The following ZNF385D variants were observed in gnomAD, a reference collection of about 807,000 sequenced individuals.
The protein encoded by ZNF385D is zinc finger protein 385D, also known as zinc finger protein 659.
Under a neutral mutation model 35.8 loss-of-function variants are expected in ZNF385D, and 15 were observed. That is an observed-to-expected ratio of 0.42 (90% confidence interval 0.28 to 0.64). ZNF385D has a LOEUF of 0.64. ZNF385D is among the 30% of genes least tolerant of loss of function. The pLI is 0.23. For synonymous variants in ZNF385D, 212 were observed against 186.8 expected, an observed-to-expected ratio of 1.13 and a Z score of -1.10; for missense variants, 474 against 494.6, an observed-to-expected ratio of 0.96 and a Z score of 0.39.
chr3:22,045,677 C>G (rs1472005317), intron 3 of ZNF385D, among the ~76,000 whole-genome samples: 8 of 152,050 alleles, frequency 5.3e-5, no homozygotes, highest in African/African-American at 1.9e-4. Flanking sequence ...AATTTTATGT[C>G]TAATATGCTG....
chr3:21,611,332 GT>G (rs147066025), intron 2 of ZNF385D, among the ~76,000 whole-genome samples: 4,135 of 152,232 alleles, frequency 0.027, 195 homozygotes, highest in African/African-American at 0.095. Flanking sequence ...GGAAGTTCAG[GT>G]TGCAGAGCTG....
chr3:21,835,799 G>C (rs1575746421), intron 3 of ZNF385D, among the ~76,000 whole-genome samples: 1 of 151,904 alleles, frequency 6.6e-6, no homozygotes, highest in Non-Finnish European at 1.5e-5. Context: ...TATTATTCTA[G>C]GCCTACCAAT....
At chr3:21,510,622 A>G (rs893927823) in intron 4 of ZNF385D, among the ~76,000 whole-genome samples, 1 of 152,206 alleles carries the variant, frequency 6.6e-6, no homozygotes, top group African/African-American at 2.4e-5. Flanking sequence ...TTTTATGACT[A>G]TTCCTCTGAA....
chr3:22,099,082 G>C (rs1343157965), intron 3 of ZNF385D, among the ~76,000 whole-genome samples: 1 of 152,046 alleles, frequency 6.6e-6, no homozygotes, highest in African/African-American at 2.4e-5. Flanking sequence ...TTCAAAGTTA[G>C]GGTACTACTT....
At chr3:22,209,622 ATTCAT>A (rs1398618830) in intron 2 of ZNF385D, among the ~76,000 whole-genome samples, 2 of 151,854 alleles carry the variant, frequency 1.3e-5, no homozygotes, top group Non-Finnish European at 2.9e-5. Context: ...TATCATATAT[ATTCAT>A]TTCATATGAA....
At chr3:22,183,869 T>C (rs1474807175) in intron 2 of ZNF385D, among the ~76,000 whole-genome samples, 3 of 152,090 alleles carry the variant, frequency 2.0e-5, no homozygotes, top group African/African-American at 7.2e-5. Flanking sequence ...CAACAAATTT[T>C]TTTTTGCATT....
intron 3 of ZNF385D, among the ~76,000 whole-genome samples, chr3:22,136,839 G>T (rs1216608014): frequency 6.6e-6 from 1 of 152,052 alleles, no homozygotes; most frequent in Non-Finnish European, 1.5e-5. Flanking sequence ...AATCTGAAAA[G>T]GCATACACTG....
chr3:22,124,452 G>T (rs76999706), intron 3 of ZNF385D, among the ~76,000 whole-genome samples: 1,767 of 150,612 alleles, frequency 0.012, 32 homozygotes, highest in African/African-American at 0.04. Flanking sequence ...CTTAGCAGTG[G>T]TATTGCTGGA....
At chr3:21,716,700 A>C (rs1341623284) in intron 1 of ZNF385D, among the ~76,000 whole-genome samples, 1 of 152,104 alleles carries the variant, frequency 6.6e-6, no homozygotes, top group Non-Finnish European at 1.5e-5. Flanking sequence ...ATGTATTTTC[A>C]TACAGCATAG....
At chr3:22,217,700 C>T (rs1697977983) in intron 2 of ZNF385D, among the ~76,000 whole-genome samples, 1 of 151,946 alleles carries the variant, frequency 6.6e-6, no homozygotes, top group Admixed American at 6.6e-5. Flanking sequence ...ATATAGAGAG[C>T]ATATTTTGGG....
intron 3 of ZNF385D, among the ~76,000 whole-genome samples, chr3:21,841,202 A>G (rs1695651273): frequency 6.6e-6 from 1 of 152,076 alleles, no homozygotes; most frequent in Non-Finnish European, 1.5e-5. Context: ...CCTACAGACC[A>G]GTGATAACAG....
chr3:21,762,750 G>A (rs999573456), intron 3 of ZNF385D, among the ~76,000 whole-genome samples: 1 of 152,120 alleles, frequency 6.6e-6, no homozygotes, highest in Admixed American at 6.6e-5. Flanking sequence ...GCTGTGGAGA[G>A]CTGCCTTGTC....
chr3:21,437,987 GA>G (rs1262099262), intron 4 of ZNF385D, among the ~76,000 whole-genome samples: 1 of 152,078 alleles, frequency 6.6e-6, no homozygotes, highest in African/African-American at 2.4e-5. Flanking sequence ...ATTGTTTTAA[GA>G]GTTAAATGAT....
chr3:22,225,562 T>C (rs1217756400), intron 2 of ZNF385D, among the ~76,000 whole-genome samples: 1 of 152,150 alleles, frequency 6.6e-6, no homozygotes, highest in Non-Finnish European at 1.5e-5. Flanking sequence ...GTATGTATTC[T>C]ACACTGGCTC....
chr3:21,498,673 G>A (rs1471529695), intron 4 of ZNF385D, among the ~76,000 whole-genome samples: 11 of 152,142 alleles, frequency 7.2e-5, no homozygotes, highest in African/African-American at 2.4e-4. Context: ...ACACTGGTCA[G>A]AATGGCTATT....
chr3:22,016,126 A>T (rs1317469295), intron 3 of ZNF385D, among the ~76,000 whole-genome samples: 1 of 152,190 alleles, frequency 6.6e-6, no homozygotes, highest in South Asian at 2.1e-4. Flanking sequence ...TTAGTCTATA[A>T]AACAGTTCTT....
At chr3:22,245,420 A>G (rs1174195673) in intron 2 of ZNF385D, among the ~76,000 whole-genome samples, 1 of 151,560 alleles carries the variant, frequency 6.6e-6, no homozygotes, top group African/African-American at 2.4e-5. Context: ...GTATTTCAAA[A>G]TATTTAGAGG....
At chr3:21,663,890 A>AAT (rs66691637) in intron 2 of ZNF385D, among the ~76,000 whole-genome samples, 2,681 of 64,374 alleles carry the variant, frequency 0.042, 247 homozygotes, top group South Asian at 0.095. Flanking sequence ...TTGTGGGCCG[A>AAT]ATATATATAT....
chr3:21,613,677 T>C (rs1043382750), intron 2 of ZNF385D, among the ~76,000 whole-genome samples: 2 of 152,212 alleles, frequency 1.3e-5, no homozygotes, highest in African/African-American at 4.8e-5. Flanking sequence ...AGTAAATAGG[T>C]ACACTTGTGT....
Sources: gnomAD v4.1 joint callset for allele counts (sites outside exome capture counted in the v4.1 genomes callset) on GRCh38, gnomAD v4.1.1 for gene constraint, MANE v1.5 for transcripts, NCBI Gene and HGNC (gene_info 2026-07-23, HGNC 2026-07-21) for gene names.